GNG4: variants seen among roughly 807,000 people sequenced by gnomAD.
The protein encoded by GNG4 is guanine nucleotide-binding protein G(I)/G(S)/G(O) subunit gamma-4.
GNG4 carries 4 observed loss-of-function variants against 5.8 expected under a neutral mutation model. The ratio of observed to expected loss-of-function variants is 0.69; its 90% CI spans 0.34 to 1.57. The LOEUF (loss-of-function observed/expected upper bound fraction) is 1.57, where lower values mean the gene tolerates loss of function less well. Among genes scored for constraint, GNG4 ranks in the 40% most tolerant of loss-of-function variants. The pLI is 0.06. For synonymous variants in GNG4, 29 were observed against 32.9 expected (o/e 0.88, Z 0.41); for missense variants, 96 against 95.1 (o/e 1.01, Z -0.04).
At chr1:235,628,662 G>C (rs912342215) in intron 1 of GNG4, among the ~76,000 whole-genome samples, 8 of 152,190 alleles carry the variant, frequency 5.3e-5, no homozygotes, top group Non-Finnish European at 1.0e-4. Context: ...CAGGCAGAAT[G>C]CATGCTTCGA....
intron 3 of GNG4, among the ~76,000 whole-genome samples, chr1:235,562,570 G>T (rs1468628222): frequency 6.6e-6 from 1 of 150,954 alleles, no homozygotes; most frequent in Non-Finnish European, 1.5e-5. Context: ...GCTTGAATCT[G>T]GGAGGCAGAG....
chr1:235,558,328 C>T (rs1333479151), intron 3 of GNG4, among the ~76,000 whole-genome samples: 1 of 152,204 alleles, frequency 6.6e-6, no homozygotes, highest in African/African-American at 2.4e-5. Flanking sequence ...AGGGAGTTTT[C>T]CACCTTCATC....
chr1:235,593,820 C>T (rs12748244), intron 2 of GNG4, among the ~76,000 whole-genome samples: 56,485 of 151,688 alleles, frequency 0.37, 11,287 homozygotes, highest in East Asian at 0.79. Context: ...CGCAGACCTT[C>T]GTGGTGAGTG....
chr1:235,616,968 G>C (rs1045237346), intron 1 of GNG4, among the ~76,000 whole-genome samples: 2 of 144,152 alleles, frequency 1.4e-5, no homozygotes, highest in Middle Eastern at 3.7e-3. Context: ...GGCTGGTCTC[G>C]AACTCCTGAC....
intron 3 of GNG4, among the ~76,000 whole-genome samples, chr1:235,567,583 T>G (rs1687231281): frequency 6.6e-6 from 1 of 152,228 alleles, no homozygotes; most frequent in South Asian, 2.1e-4. Flanking sequence ...GTGCCTGGCT[T>G]ATTTCTCTTA....
At chr1:235,606,573 G>T (rs1019532751) in intron 1 of GNG4, among the ~76,000 whole-genome samples, 1 of 152,126 alleles carries the variant, frequency 6.6e-6, no homozygotes, top group African/African-American at 2.4e-5. Flanking sequence ...GTGCTGTGCT[G>T]TTCCGCACGC....
intron 1 of GNG4, among the ~76,000 whole-genome samples, chr1:235,635,428 G>A (rs1182097299): frequency 1.3e-5 from 2 of 151,980 alleles, no homozygotes; most frequent in African/African-American, 4.8e-5. Flanking sequence ...CCCAGGAAGT[G>A]GAGGTTGCAG....
intron 1 of GNG4, among the ~76,000 whole-genome samples, chr1:235,639,205 G>T (rs903396366): frequency 1.3e-5 from 2 of 152,182 alleles, no homozygotes; most frequent in African/African-American, 2.4e-5. Flanking sequence ...TTTTTGCTGT[G>T]TAAGATTCAC....
chr1:235,593,421 C>A (rs1218135576), intron 2 of GNG4, among the ~76,000 whole-genome samples: 2 of 152,186 alleles, frequency 1.3e-5, no homozygotes, highest in African/African-American at 2.4e-5. Context: ...GCCTTTGCAG[C>A]CATCCTCCCC....
chr1:235,638,414 G>T (rs189145486), intron 1 of GNG4, among the ~76,000 whole-genome samples: 31 of 152,088 alleles, frequency 2.0e-4, no homozygotes, highest in African/African-American at 7.5e-4. Flanking sequence ...GCTCTGGGGA[G>T]AGTTCGTATT....
chr1:235,555,847 C>T (rs559283081), intron 3 of GNG4, among the ~76,000 whole-genome samples: 53 of 152,148 alleles, frequency 3.5e-4, no homozygotes, highest in Non-Finnish European at 6.3e-4. Context: ...TGGTTAAAAA[C>T]ATAAAATTTA....
chr1:235,621,045 CTGCCCCTGT>C (rs1345656494), intron 1 of GNG4, among the ~76,000 whole-genome samples: 3 of 152,048 alleles, frequency 2.0e-5, no homozygotes, highest in Non-Finnish European at 2.9e-5. Context: ...GGCAGGCAGG[CTGCCCCTGT>C]CCTTGCTCCT....
chr1:235,628,993 A>ATTTTTTTTTTTTTTTTTTTTCTTTT (rs1054950474), intron 1 of GNG4, among the ~76,000 whole-genome samples: 1 of 118,364 alleles, frequency 8.4e-6, no homozygotes, highest in Non-Finnish European at 1.9e-5. Flanking sequence ...ATTTGCTTGA[A>ATTTTTTTTTTTTTTTTTTTTCTTTT]TTTTTTTTTT....
chr1:235,619,386 G>A (rs1290732937), intron 1 of GNG4, among the ~76,000 whole-genome samples: 1 of 151,850 alleles, frequency 6.6e-6, no homozygotes, highest in African/African-American at 2.4e-5. Flanking sequence ...GACAGAGCAA[G>A]ACTGTCTCAG....
At chr1:235,599,868 G>T (rs1190571437) in intron 1 of GNG4, among the ~76,000 whole-genome samples, 1 of 152,076 alleles carries the variant, frequency 6.6e-6, no homozygotes, top group Non-Finnish European at 1.5e-5. Context: ...TCTTTGAGAG[G>T]CCACACATCA....
At chr1:235,623,272 C>T (rs1688744999) in intron 1 of GNG4, among the ~76,000 whole-genome samples, 1 of 152,136 alleles carries the variant, frequency 6.6e-6, no homozygotes, top group Non-Finnish European at 1.5e-5. Flanking sequence ...AAAAGGATCA[C>T]AGGGTTCCCT....
At chr1:235,625,000 C>G (rs1006303061) in intron 1 of GNG4, among the ~76,000 whole-genome samples, 2 of 152,128 alleles carry the variant, frequency 1.3e-5, no homozygotes, top group Non-Finnish European at 2.9e-5. Flanking sequence ...TGCTGAGGAC[C>G]CACACTGAGG....
chr1:235,590,519 G>T (rs1290782680), intron 2 of GNG4, among the ~76,000 whole-genome samples: 1 of 152,124 alleles, frequency 6.6e-6, no homozygotes, highest in African/African-American at 2.4e-5. Context: ...ACTAAAGGAA[G>T]AGATTCTAAT....
chr1:235,590,216 A>G (rs1687924157), intron 2 of GNG4, among the ~76,000 whole-genome samples: 1 of 152,102 alleles, frequency 6.6e-6, no homozygotes, highest in African/African-American at 2.4e-5. Flanking sequence ...GCACTTTGGG[A>G]GGCCGAGGTG....
Sources: allele counts gnomAD v4.1 joint callset (sites outside exome capture counted in the v4.1 genomes callset), GRCh38; gene constraint gnomAD v4.1.1; transcripts MANE v1.5; gene names NCBI Gene and HGNC (gene_info 2026-07-23, HGNC 2026-07-21).